ARMH4: variants seen among roughly 807,000 people sequenced by gnomAD.
ARMH4 encodes armadillo like helical domain containing 4.
A neutral mutation model predicts 61.9 loss-of-function variants in ARMH4; 49 were observed. The ratio of observed to expected loss-of-function variants is 0.79; its 90% confidence interval spans 0.63 to 1.00. The LOEUF is 1.00. Ranked by LOEUF, ARMH4 falls within the 50% of genes least tolerant of loss-of-function variation. The probability of loss-of-function intolerance (pLI) is 0.00; values close to 1 mark genes in which losing one functional copy is unlikely to be tolerated. For synonymous variants in ARMH4, 368 were observed against 341.5 expected (o/e 1.08, Z -0.85); for missense variants, 934 against 930.0 (o/e 1.00, Z -0.06).
intron 4 of ARMH4, among the ~76,000 whole-genome samples, chr14:58,129,363 T>C (rs902936700): frequency 4.6e-5 from 7 of 152,170 alleles, no homozygotes; most frequent in Non-Finnish European, 7.3e-5. Flanking sequence ...CCAAATCCCA[T>C]GGAGAAAAGT....
intron 5 of ARMH4, among the ~76,000 whole-genome samples, chr14:58,095,410 A>G (rs1436547088): frequency 1.3e-5 from 2 of 152,178 alleles, no homozygotes; most frequent in East Asian, 3.8e-4. Flanking sequence ...CATTCATTTC[A>G]AACCTGTTCA....
chr14:58,041,506 A>C (rs2141182966), intron 5 of ARMH4, among the ~76,000 whole-genome samples: 1 of 152,350 alleles, frequency 6.6e-6, no homozygotes, highest in East Asian at 1.9e-4. Flanking sequence ...AATTGTAAAG[A>C]CCATCGATGC....
chr14:58,072,261 A>G (rs1381908459), intron 5 of ARMH4, among the ~76,000 whole-genome samples: 1 of 152,220 alleles, frequency 6.6e-6, no homozygotes, highest in Admixed American at 6.5e-5. Flanking sequence ...TTACAGAAGC[A>G]ACTTTTTTTT....
chr14:58,145,726 G>A (rs1033581303), intron 1 of ARMH4, among the ~76,000 whole-genome samples: 1 of 152,158 alleles, frequency 6.6e-6, no homozygotes, highest in African/African-American at 2.4e-5. Flanking sequence ...GGGGTGAACC[G>A]CAAGCCTTTG....
intron 5 of ARMH4, among the ~76,000 whole-genome samples, chr14:58,091,429 A>G (rs1339173863): frequency 6.6e-6 from 1 of 152,220 alleles, no homozygotes. Flanking sequence ...TAGACCCAGG[A>G]GCTTTATTTC....
chr14:58,054,938 T>C (rs931536323), intron 5 of ARMH4, among the ~76,000 whole-genome samples: 1 of 151,840 alleles, frequency 6.6e-6, no homozygotes, highest in Non-Finnish European at 1.5e-5. Flanking sequence ...TTAATTTCAT[T>C]TGGGTCTGGT....
In ARMH4 at chr14:58,139,241, C is replaced by T; in HGVS notation, c.118G>A (p.Val40Ile). The T allele has an allele frequency of 6.2e-7, 1 of 1,614,210 alleles. No individual in the cohort carries two copies. The highest frequency in any genetic ancestry group is 8.5e-7 in the Non-Finnish European group (1 of 1,180,046). The change falls in exon 2 of 8, where the codon GTT (valine) becomes ATT (isoleucine). Residue 40 changes from valine to isoleucine, a missense_variant. Coordinates refer to ENST00000267485, the MANE Select transcript of ARMH4 (RefSeq NM_001001872.4). The stretch of plus-strand genomic sequence containing the variant: ...TCGGACTGCCCTTTTTCCGCATGAA[C>T]ATGTGCTATCTCCCTCCTCCTTTCT... The part of the protein sequence containing the change: ...KIERRREIAH[V>I]HAEKGQSDKM...
At chr14:58,099,670 A>T (rs113578273) in intron 4 of ARMH4, among the ~76,000 whole-genome samples, 1,760 of 152,328 alleles carry the variant, frequency 0.012, 36 homozygotes, top group African/African-American at 0.04. Context: ...CACAGGGTCA[A>T]GGGTAGGGTC....
chr14:58,066,225 C>G (rs1054537553), intron 5 of ARMH4, among the ~76,000 whole-genome samples: 1 of 152,238 alleles, frequency 6.6e-6, no homozygotes, highest in African/African-American at 2.4e-5. Context: ...CCTGGTAATA[C>G]TATCTCAGCA....
chr14:58,096,313 T>C (rs1183516826), intron 5 of ARMH4, among the ~76,000 whole-genome samples: 1 of 152,178 alleles, frequency 6.6e-6, no homozygotes, highest in East Asian at 1.9e-4. Context: ...TTCGACTCTG[T>C]CCCATGGTGC....
At chr14:58,024,377 T>G (rs1242162892) in intron 5 of ARMH4, among the ~76,000 whole-genome samples, 1 of 152,186 alleles carries the variant, frequency 6.6e-6, no homozygotes, top group African/African-American at 2.4e-5. Context: ...CTTCCAACTT[T>G]TCTTCTGCAG....
intron 5 of ARMH4, among the ~76,000 whole-genome samples, chr14:58,072,263 C>CT (rs1333760883): frequency 6.6e-6 from 1 of 152,110 alleles, no homozygotes; most frequent in African/African-American, 2.4e-5. Flanking sequence ...ACAGAAGCAA[C>CT]TTTTTTTTCT....
Position 58,024,934 on chromosome 14 carries a change from A to C in ARMH4, c.2090-12784T>G, listed in dbSNP as rs572991850. On this transcript the variant is annotated intron_variant, in intron 5 of 7. Transcript: ENST00000267485. ...GTTGGTGGCACCCCAAAATTATTAC[A>C]GTAGTAACATTAAAGACCACTGATC... 1.2e-4 allele frequency among the ~76,000 whole-genome samples: 18 copies of C among 152,278 alleles called. No individual in the cohort carries two copies. The Middle Eastern group carries it at 0.01, about 86-fold the overall frequency.
At chr14:58,100,719 G>A (rs532425575) in intron 4 of ARMH4, among the ~76,000 whole-genome samples, 28 of 152,202 alleles carry the variant, frequency 1.8e-4, no homozygotes, top group African/African-American at 5.3e-4. Flanking sequence ...GGGTGGATCC[G>A]AAAGGAGTGG....
intron 1 of ARMH4, chr14:58,141,794 A>C (rs1887565013): frequency 5.9e-6 from 1 of 168,856 alleles, no homozygotes; most frequent in South Asian, 1.6e-4. Flanking sequence ...TAAATGCTTA[A>C]ATCATTTGTT....
intron 5 of ARMH4, among the ~76,000 whole-genome samples, chr14:58,034,160 C>T (rs994352237): frequency 5.1e-4 from 69 of 135,208 alleles, no homozygotes; most frequent in Non-Finnish European, 8.3e-4. Context: ...AGAGAAAGGT[C>T]GGGTTACCCT....
At chr14:58,038,623 C>T (rs1316109866) in intron 5 of ARMH4, among the ~76,000 whole-genome samples, 1 of 149,174 alleles carries the variant, frequency 6.7e-6, no homozygotes, top group East Asian at 2.0e-4. Context: ...ATTTGTGATA[C>T]AATAGTAAAT....
intron 5 of ARMH4, among the ~76,000 whole-genome samples, chr14:58,072,955 A>G (rs188054855): frequency 1.4e-4 from 22 of 152,228 alleles, no homozygotes; most frequent in African/African-American, 5.1e-4. Flanking sequence ...AACATATCAC[A>G]GTAAATTAGG....
At chr14:58,041,923 C>T (rs971267696) in intron 5 of ARMH4, among the ~76,000 whole-genome samples, 5 of 152,076 alleles carry the variant, frequency 3.3e-5, no homozygotes, top group African/African-American at 9.7e-5. Context: ...GCACCCAATA[C>T]AGGAGCATCT....
Sources: allele counts gnomAD v4.1 joint callset (sites outside exome capture counted in the v4.1 genomes callset), GRCh38; gene constraint gnomAD v4.1.1; transcripts MANE v1.5; gene names NCBI Gene and HGNC (gene_info 2026-07-23, HGNC 2026-07-21).